The following WDR70 variants were observed in gnomAD, a reference collection of about 807,000 sequenced individuals.
WDR70 encodes WD repeat-containing protein 70.
A neutral mutation model predicts 88.6 loss-of-function variants in WDR70; 53 were observed. That is an observed-to-expected ratio of 0.60 (90% confidence interval 0.48 to 0.75). The LOEUF is 0.75. Among genes scored for constraint, WDR70 ranks in the 30% least tolerant of loss-of-function variants. WDR70 has a pLI of 0.00. For missense variants in WDR70, 610 were observed against 823.2 expected, an observed-to-expected ratio of 0.74 and a Z score of 3.17; for synonymous variants, 280 against 270.0, an observed-to-expected ratio of 1.04 and a Z score of -0.36.
chr5:37,542,223 G>A (rs1424940124), intron 9 of WDR70, among the ~76,000 whole-genome samples: 2 of 151,388 alleles, frequency 1.3e-5, no homozygotes, highest in Non-Finnish European at 2.9e-5. Flanking sequence ...TATATACTGT[G>A]AAATGAATAT....
At chr5:37,389,089 C>CTTT (rs869256981) in intron 3 of WDR70, among the ~76,000 whole-genome samples, 2 of 124,976 alleles carry the variant, frequency 1.6e-5, no homozygotes, top group African/African-American at 3.1e-5. Context: ...CAGGCCCATT[C>CTTT]TTTTTTTTTT....
At chr5:37,733,749 T>C (rs1424773768) in intron 17 of WDR70, among the ~76,000 whole-genome samples, 1 of 152,058 alleles carries the variant, frequency 6.6e-6, no homozygotes, top group African/African-American at 2.4e-5. Flanking sequence ...GTTATATGTA[T>C]ATATTAATTT....
chr5:37,638,169 A>G (rs1041745254), intron 10 of WDR70, among the ~76,000 whole-genome samples: 1 of 152,320 alleles, frequency 6.6e-6, no homozygotes, highest in Admixed American at 6.5e-5. Flanking sequence ...TGAGAATGCC[A>G]TCTGATCTGT....
intron 9 of WDR70, among the ~76,000 whole-genome samples, chr5:37,579,356 C>T (rs946872865): frequency 2.0e-5 from 3 of 151,944 alleles, no homozygotes; most frequent in African/African-American, 7.2e-5. Flanking sequence ...GAGGCTGAGG[C>T]GGGTGGATCA....
intron 10 of WDR70, among the ~76,000 whole-genome samples, chr5:37,657,454 C>A (rs979545862): frequency 6.6e-6 from 1 of 152,090 alleles, no homozygotes; most frequent in Admixed American, 6.6e-5. Flanking sequence ...GCCAGCCACC[C>A]CGGGCTTCAT....
chr5:37,460,552 A>C (rs1738957718), intron 7 of WDR70, among the ~76,000 whole-genome samples: 1 of 63,146 alleles, frequency 1.6e-5, no homozygotes, highest in South Asian at 9.1e-4. Context: ...AGGTCGGGGG[A>C]GGGGGGAGGG....
intron 10 of WDR70, among the ~76,000 whole-genome samples, chr5:37,625,877 T>C (rs1744648723): frequency 6.6e-6 from 1 of 152,146 alleles, no homozygotes; most frequent in African/African-American, 2.4e-5. Flanking sequence ...CTGTTCTTTG[T>C]ATATTCTGGA....
chr5:37,551,768 G>GT (rs1176757597), intron 9 of WDR70, among the ~76,000 whole-genome samples: 5,312 of 92,666 alleles, frequency 0.057, 705 homozygotes, highest in African/African-American at 0.19. Flanking sequence ...TCATTGTTTA[G>GT]TTTTTTTTTT....
At chr5:37,599,353 C>T (rs1036419641) in intron 9 of WDR70, among the ~76,000 whole-genome samples, 3 of 152,250 alleles carry the variant, frequency 2.0e-5, no homozygotes, top group Admixed American at 2.0e-4. Context: ...ATGTTTTCTA[C>T]TTACAGTTAT....
chr5:37,523,134 G>C (rs1201788020), intron 9 of WDR70, among the ~76,000 whole-genome samples: 1 of 152,194 alleles, frequency 6.6e-6, no homozygotes. Context: ...AGAGAGTAGT[G>C]GTTCTCCTAG....
chr5:37,464,793 G>A (rs1225598950), intron 7 of WDR70, among the ~76,000 whole-genome samples: 1 of 152,214 alleles, frequency 6.6e-6, no homozygotes, highest in African/African-American at 2.4e-5. Flanking sequence ...GGAGCAAACT[G>A]CACGGGTGCT....
chr5:37,624,475 G>A (rs982776729), intron 10 of WDR70, among the ~76,000 whole-genome samples: 1 of 152,116 alleles, frequency 6.6e-6, no homozygotes, highest in Admixed American at 6.5e-5. Flanking sequence ...TATTTTGGCT[G>A]TTGTGAATAG....
At chr5:37,670,566 A>C (rs1179220513) in intron 10 of WDR70, among the ~76,000 whole-genome samples, 1 of 152,310 alleles carries the variant, frequency 6.6e-6, no homozygotes, top group Non-Finnish European at 1.5e-5. Flanking sequence ...AGTGGGTACT[A>C]TTACTATTCT....
intron 10 of WDR70, among the ~76,000 whole-genome samples, chr5:37,610,623 C>A (rs1744166087): frequency 6.6e-6 from 1 of 152,056 alleles, no homozygotes. Flanking sequence ...TTTTGAGGAG[C>A]TCTCACCTCA....
intron 9 of WDR70, among the ~76,000 whole-genome samples, chr5:37,523,490 C>G (rs1283680977): frequency 6.6e-6 from 1 of 152,168 alleles, no homozygotes; most frequent in African/African-American, 2.4e-5. Context: ...ATGTCACCAT[C>G]ATCAAAGACC....
chr5:37,449,865 A>G (rs566263539), intron 7 of WDR70, among the ~76,000 whole-genome samples: 3 of 152,142 alleles, frequency 2.0e-5, no homozygotes, highest in East Asian at 1.9e-4. Context: ...CATCATCTAC[A>G]TAGCTATTTC....
chr5:37,577,591 G>A (rs1581407672), intron 9 of WDR70, among the ~76,000 whole-genome samples: 1 of 152,178 alleles, frequency 6.6e-6, no homozygotes, highest in African/African-American at 2.4e-5. Flanking sequence ...GAATGGAGGA[G>A]GAGAGAGATA....
intron 13 of WDR70, among the ~76,000 whole-genome samples, chr5:37,711,712 A>G (rs1163895071): frequency 6.6e-6 from 1 of 152,150 alleles, no homozygotes; most frequent in East Asian, 1.9e-4. Flanking sequence ...CCAGTGACCA[A>G]ATTGGAGTAA....
Position 37,593,632 on chromosome 5 carries a change from T to C in WDR70, c.918-11432T>C, listed in dbSNP as rs543271990. On this transcript the variant is annotated intron_variant, in intron 9 of 17. Transcript: ENST00000265107. ...CATATGTGTGCATGTGTCTTTATAG[T>C]AGCAAGATTTATAATCCTTTGGGTA... is the stretch of plus-strand genomic sequence containing the variant. Among the ~76,000 whole-genome samples the C allele has an allele frequency of 3.3e-5, 5 of 152,306 alleles. No homozygotes were observed. The East Asian group carries it at 9.6e-4, about 29-fold the overall frequency.
Sources: allele counts gnomAD v4.1 joint callset (sites outside exome capture counted in the v4.1 genomes callset), GRCh38; gene constraint gnomAD v4.1.1; transcripts MANE v1.5; gene names NCBI Gene and HGNC (gene_info 2026-07-23, HGNC 2026-07-21).